Variants in DGKB observed in about 807,000 individuals in gnomAD.
DGKB encodes diacylglycerol kinase beta.
A neutral mutation model predicts 114.3 loss-of-function variants in DGKB; 67 were observed. The ratio of observed to expected loss-of-function variants is 0.59; its 90% CI spans 0.48 to 0.72. The LOEUF is 0.72. DGKB is among the 30% of genes least tolerant of loss of function. DGKB has a pLI of 0.00. For synonymous variants in DGKB, 398 were observed against 323.1 expected, an observed-to-expected ratio of 1.23 and a Z score of -2.49; for missense variants, 907 against 975.2, an observed-to-expected ratio of 0.93 and a Z score of 0.93.
intron 5 of DGKB, among the ~76,000 whole-genome samples, chr7:14,734,772 C>A (rs1272418930): frequency 6.6e-6 from 1 of 152,144 alleles, no homozygotes; most frequent in Non-Finnish European, 1.5e-5. Flanking sequence ...TGGCAAATAT[C>A]AATAGATATC....
intron 25 of DGKB, among the ~76,000 whole-genome samples, chr7:14,154,244 A>G (rs1382814149): frequency 6.6e-6 from 1 of 151,228 alleles, no homozygotes; most frequent in Non-Finnish European, 1.5e-5. Context: ...GAGAGAAGAA[A>G]GAAATTCTGA....
intron 25 of DGKB, among the ~76,000 whole-genome samples, chr7:14,163,218 G>C (rs1447659040): frequency 6.6e-6 from 1 of 152,006 alleles, no homozygotes; most frequent in Non-Finnish European, 1.5e-5. Flanking sequence ...CAAATTAATT[G>C]GAAATTAGTC....
At chr7:14,239,906 T>A (rs1388892321) in intron 23 of DGKB, among the ~76,000 whole-genome samples, 1 of 152,114 alleles carries the variant, frequency 6.6e-6, no homozygotes, top group Non-Finnish European at 1.5e-5. Flanking sequence ...GACTAATACG[T>A]ATCTATTTTA....
At chr7:14,178,814 A>AT (rs966376792) in intron 23 of DGKB, among the ~76,000 whole-genome samples, 15 of 151,424 alleles carry the variant, frequency 9.9e-5, no homozygotes, top group African/African-American at 2.2e-4. Context: ...TTATTATTAA[A>AT]TTTTTTTTTA....
chr7:14,760,939 A>G (rs1290888530), intron 2 of DGKB, among the ~76,000 whole-genome samples: 1 of 152,192 alleles, frequency 6.6e-6, no homozygotes, highest in East Asian at 1.9e-4. Flanking sequence ...GAGCTAAATT[A>G]ACAGCCAAAA....
chr7:14,801,300 A>G (rs1335325947), intron 2 of DGKB, among the ~76,000 whole-genome samples: 1 of 152,132 alleles, frequency 6.6e-6, no homozygotes, highest in African/African-American at 2.4e-5. Context: ...TGATCTTGTT[A>G]CTGTCTTTGT....
chr7:14,830,081 G>A (rs1338906201), intron 2 of DGKB, among the ~76,000 whole-genome samples: 1 of 151,972 alleles, frequency 6.6e-6, no homozygotes, highest in Non-Finnish European at 1.5e-5. Flanking sequence ...ATGAGTATGG[G>A]GAGGAGAGTG....
chr7:14,289,823 T>C (rs1801474033), intron 23 of DGKB, among the ~76,000 whole-genome samples: 1 of 151,044 alleles, frequency 6.6e-6, no homozygotes, highest in African/African-American at 2.4e-5. Context: ...AACATGTCCT[T>C]AGCCTATTCT....
At chr7:14,446,038 T>TA (rs1162702109) in intron 21 of DGKB, among the ~76,000 whole-genome samples, 1 of 152,236 alleles carries the variant, frequency 6.6e-6, no homozygotes, top group East Asian at 1.9e-4. Context: ...TTTCTTGACT[T>TA]AATTGAATAT....
intron 23 of DGKB, among the ~76,000 whole-genome samples, chr7:14,301,882 C>T (rs528521303): frequency 6.6e-6 from 1 of 152,142 alleles, no homozygotes; most frequent in African/African-American, 2.4e-5. Context: ...GGACTGAGTC[C>T]AGGGTCTACC....
At position 14,205,956 on chromosome 7, in the gene DGKB, C is replaced by T. The variant is rs148637976; in HGVS notation, c.2123-27805G>A. Among the ~76,000 whole-genome samples the T allele has an allele frequency of 8.6e-3, 1,314 of 151,948 alleles. 18 individuals carry two copies. Among genetic ancestry groups the T allele is most frequent in the African/African-American group, 0.031 (1,267 of 41,460 alleles). Reference sequence around the variant, plus strand: ...CAATTGATTGACAGGTAGATAGAAGCAAGAAAAACTATAGACTTTGGGTAA... The same window carrying T: ...CAATTGATTGACAGGTAGATAGAAGTAAGAAAAACTATAGACTTTGGGTAA... On this transcript the variant is annotated intron_variant, in intron 23 of 25. Coordinates refer to ENST00000402815, the MANE Select transcript of DGKB (RefSeq NM_001350709.2).
chr7:14,295,866 C>T (rs1042309836), intron 23 of DGKB, among the ~76,000 whole-genome samples: 1 of 151,988 alleles, frequency 6.6e-6, no homozygotes, highest in Non-Finnish European at 1.5e-5. Flanking sequence ...GCCCCCCAAC[C>T]CAGACAGGCC....
At chr7:14,938,917 A>T (rs1405986593) in intron 1 of DGKB, among the ~76,000 whole-genome samples, 4 of 152,194 alleles carry the variant, frequency 2.6e-5, no homozygotes, top group Admixed American at 6.5e-5. Context: ...TGGTCATGTG[A>T]TCTAACCTCT....
At position 14,800,490 on chromosome 7, in the gene DGKB, C is replaced by T. The variant is rs117413098; in HGVS notation, c.70+40704G>A. Among the ~76,000 whole-genome samples, 886 of 152,300 alleles carry T rather than the reference C, an allele frequency of 5.8e-3. 7 individuals carry two copies. Among genetic ancestry groups the T allele is most frequent in the Middle Eastern group, 0.031 (9 of 294 alleles). On this transcript the variant is annotated intron_variant, in intron 2 of 25. Transcript: ENST00000402815. The stretch of plus-strand genomic sequence containing the variant: ...AGCTTCCCAGACTTGATCTTTCTCC[C>T]GTGCTGGATGCTTTCTGCCCTCAGA...
At chr7:14,612,352 G>A (rs1248759233) in intron 16 of DGKB, among the ~76,000 whole-genome samples, 2 of 151,726 alleles carry the variant, frequency 1.3e-5, no homozygotes, top group African/African-American at 4.8e-5. Flanking sequence ...TCGTATTTTA[G>A]TAGAGACGGG....
chr7:14,339,095 CCT>C (rs762238319), intron 22 of DGKB, among the ~76,000 whole-genome samples: 1 of 151,796 alleles, frequency 6.6e-6, no homozygotes, highest in Non-Finnish European at 1.5e-5. Context: ...GATGATTGCC[CCT>C]GTTTAGAACA....
chr7:14,486,955 GATTTA>G (rs931226824), intron 20 of DGKB, among the ~76,000 whole-genome samples: 6 of 152,162 alleles, frequency 3.9e-5, no homozygotes, highest in South Asian at 2.1e-4. Flanking sequence ...TAAATCTATA[GATTTA>G]ATTTAACTGA....
At chr7:14,641,365 T>C (rs1321893742) in intron 13 of DGKB, among the ~76,000 whole-genome samples, 1 of 151,944 alleles carries the variant, frequency 6.6e-6, no homozygotes, top group Non-Finnish European at 1.5e-5. Flanking sequence ...AATACAAAGA[T>C]TTGTTGTTGC....
rs1328363340 is a variant in DGKB, at chr7:14,825,028, A to G, written c.70+16166T>C. 7.8e-3 allele frequency among the ~76,000 whole-genome samples: 1,066 copies of G among 136,842 alleles called. 15 individuals are homozygous for G. The highest frequency in any genetic ancestry group is 0.026 in the African/African-American group (964 of 36,440). The allele number at this position is 136,842 out of a possible 152,430, so 89.8% of individuals were successfully genotyped here. A position where few individuals can be genotyped will look rare whatever the true frequency, so the allele number is the denominator to read the frequency against. ...TATGTATGTGTATGTATATATATAT[A>G]TATATATATATATATATATATATAT... On this transcript the variant is annotated intron_variant, in intron 2 of 25. Coordinates refer to ENST00000402815, the MANE Select transcript of DGKB (RefSeq NM_001350709.2).
Sources: allele counts gnomAD v4.1 joint callset (sites outside exome capture counted in the v4.1 genomes callset), GRCh38; gene constraint gnomAD v4.1.1; transcripts MANE v1.5; gene names NCBI Gene and HGNC (gene_info 2026-07-23, HGNC 2026-07-21).